The following XPR1 variants were observed in gnomAD, a reference collection of about 807,000 sequenced individuals.
XPR1 encodes the protein xenotropic and polytropic retrovirus receptor 1, also known as solute carrier family 53 member 1.
In XPR1, 28 loss-of-function variants were observed where a neutral mutation model predicts 87.5. The observed-to-expected ratio is 0.32, with a 90% CI of 0.24 to 0.44. XPR1 has a LOEUF of 0.44. Ranked by LOEUF, XPR1 falls within the 20% of genes least tolerant of loss-of-function variation. The pLI is 1.00. For synonymous variants in XPR1, 300 were observed against 306.1 expected (o/e 0.98, Z 0.21); for missense variants, 559 against 862.3 (o/e 0.65, Z 4.41).
chr1:180,859,781 C>A (rs1172402543), intron 11 of XPR1, among the ~76,000 whole-genome samples: 1 of 152,028 alleles, frequency 6.6e-6, no homozygotes, highest in Non-Finnish European at 1.5e-5. Context: ...ATGATATGGA[C>A]TTCTAATATA....
chr1:180,881,279 T>C lies in XPR1; in HGVS notation c.2030+982T>C, dbSNP rs1359711444. On this transcript the variant is annotated intron_variant, in intron 14 of 14. Transcript: ENST00000367590. Reference sequence around the variant, plus strand: ...CCTGGGTTCACGCCATTCTCCTGCCTCAGCCTCCCGAGTAGCTGGGACTAC... The same window carrying C: ...CCTGGGTTCACGCCATTCTCCTGCCCCAGCCTCCCGAGTAGCTGGGACTAC... Among the ~76,000 whole-genome samples, 4 of 152,122 alleles carry C rather than the reference T, an allele frequency of 2.6e-5. No individual in the cohort carries two copies. In the East Asian group the frequency reaches 7.7e-4, roughly 29 times the overall value.
chr1:180,715,722 G>T (rs1003523574), intron 2 of XPR1, among the ~76,000 whole-genome samples: 13 of 151,882 alleles, frequency 8.6e-5, no homozygotes, highest in African/African-American at 3.1e-4. Flanking sequence ...TGTTGCCCAG[G>T]CTGGAGTGCA....
chr1:180,773,449 C>T (rs1208856373), intron 2 of XPR1, among the ~76,000 whole-genome samples: 1 of 152,174 alleles, frequency 6.6e-6, no homozygotes, highest in South Asian at 2.1e-4. Flanking sequence ...ATCCTAAGAA[C>T]AACAGAGAGT....
chr1:180,749,836 A>C (rs1279223339), intron 2 of XPR1, among the ~76,000 whole-genome samples: 2 of 152,202 alleles, frequency 1.3e-5, no homozygotes, highest in Non-Finnish European at 2.9e-5. Context: ...AAAGAAGAGC[A>C]ACCTTTAACT....
intron 11 of XPR1, among the ~76,000 whole-genome samples, chr1:180,853,944 AAGC>A (rs1651954921): frequency 6.6e-6 from 1 of 152,158 alleles, no homozygotes; most frequent in African/African-American, 2.4e-5. Flanking sequence ...GGCATGCAGA[AAGC>A]AGCAACTTTT....
At chr1:180,835,217 G>T (rs1321774304) in intron 10 of XPR1, among the ~76,000 whole-genome samples, 172 bp downstream of exon 10, 2 of 152,070 alleles carry the variant, frequency 1.3e-5, no homozygotes, top group Admixed American at 6.5e-5. Context: ...ATATAATTTG[G>T]CTTTTAAATT....
intron 2 of XPR1, among the ~76,000 whole-genome samples, chr1:180,737,676 T>A (rs181634119): frequency 6.6e-6 from 1 of 152,348 alleles, no homozygotes; most frequent in African/African-American, 2.4e-5. Context: ...TTTTTAACAT[T>A]TTGAGAATGT....
intron 4 of XPR1, among the ~76,000 whole-genome samples, chr1:180,805,792 G>A (rs1286049434): frequency 6.6e-6 from 1 of 152,136 alleles, no homozygotes; most frequent in African/African-American, 2.4e-5. Flanking sequence ...TTGAGCTTAG[G>A]ACTTTCATTA....
At chr1:180,634,712 T>C (rs1416911976) in intron 1 of XPR1, among the ~76,000 whole-genome samples, 1 of 152,154 alleles carries the variant, frequency 6.6e-6, no homozygotes, top group Non-Finnish European at 1.5e-5. Flanking sequence ...CTTTCTAGTA[T>C]CGTGAATCAA....
chr1:180,675,343 G>A (rs1656330087), intron 1 of XPR1, among the ~76,000 whole-genome samples: 1 of 152,154 alleles, frequency 6.6e-6, no homozygotes, highest in Admixed American at 6.5e-5. Flanking sequence ...TTAGTCTCTT[G>A]CTCAGTAAAG....
At chr1:180,677,798 A>G (rs890058180) in intron 1 of XPR1, among the ~76,000 whole-genome samples, 2 of 152,220 alleles carry the variant, frequency 1.3e-5, no homozygotes, top group Non-Finnish European at 1.5e-5. Flanking sequence ...AAGTGGCACT[A>G]TAAACTACGT....
chr1:180,659,572 C>T (rs1655691889), intron 1 of XPR1, among the ~76,000 whole-genome samples: 2 of 142,556 alleles, frequency 1.4e-5, no homozygotes, highest in Admixed American at 1.4e-4. Flanking sequence ...CCACCCACCA[C>T]ACCCCCCAGC....
intron 7 of XPR1, 109 bp downstream of exon 7, chr1:180,811,597 A>T: frequency 1.2e-6 from 1 of 843,604 alleles, no homozygotes. Context: ...CTGAAAGATA[A>T]ATCTATCAGG....
intron 2 of XPR1, among the ~76,000 whole-genome samples, chr1:180,745,131 C>T (rs145491769): frequency 9.7e-4 from 148 of 152,286 alleles, no homozygotes; most frequent in African/African-American, 3.0e-3. Context: ...GTTTAATTTT[C>T]AGAGTCTGTG....
chr1:180,829,531 A>G (rs945608022), intron 9 of XPR1, among the ~76,000 whole-genome samples: 1 of 152,168 alleles, frequency 6.6e-6, no homozygotes, highest in Non-Finnish European at 1.5e-5. Flanking sequence ...CCGGCCTCTG[A>G]CAGAGTGACT....
intron 9 of XPR1, among the ~76,000 whole-genome samples, chr1:180,833,345 A>T (rs1651139678): frequency 6.6e-6 from 1 of 152,234 alleles, no homozygotes; most frequent in South Asian, 2.1e-4. Context: ...CTTAAATGTG[A>T]ACAGGCTAAA....
intron 3 of XPR1, among the ~76,000 whole-genome samples, chr1:180,794,017 A>C (rs1182799289): frequency 2.6e-5 from 4 of 152,188 alleles, no homozygotes; most frequent in Non-Finnish European, 1.5e-5. Context: ...GTTTTTTTTA[A>C]ATTGTAGGTC....
rs1470758691 is a variant in XPR1, at chr1:180,811,454, A to G, written c.729A>G (p.Ile243Met). 1 of 1,613,496 alleles carries G rather than the reference A, an allele frequency of 6.2e-7. No homozygotes were observed. Residue 243 changes from isoleucine to methionine, a missense_variant, in exon 7 of 15, where the codon ATA becomes ATG. Around this residue, in one of 7 missense-constraint regions of XPR1, gnomAD observed 9 missense variants for 31.2 expected, o/e 0.29. Transcript: ENST00000367590. ...TTFRVGLFCG[I>M]FIVLNITLVL... Reference sequence around the variant, plus strand: ...TTAGAGTTGGCCTATTTTGTGGAATATTCATTGTACTGAATATTACCCTTG... The same window carrying G: ...TTAGAGTTGGCCTATTTTGTGGAATGTTCATTGTACTGAATATTACCCTTG...
intron 6 of XPR1, among the ~76,000 whole-genome samples, chr1:180,808,494 A>G (rs142393117): frequency 9.7e-4 from 148 of 152,252 alleles, no homozygotes; most frequent in African/African-American, 3.0e-3. Flanking sequence ...TTCAAAAGAC[A>G]TATTAAGAGA....
Sources: allele counts gnomAD v4.1 joint callset (sites outside exome capture counted in the v4.1 genomes callset), GRCh38; gene constraint gnomAD v4.1.1; regional missense constraint gnomAD v4.1.1; transcripts MANE v1.5; gene names NCBI Gene and HGNC (gene_info 2026-07-23, HGNC 2026-07-21).